The following MGMT variants were observed in gnomAD, a reference collection of about 807,000 sequenced individuals.
MGMT encodes methylated-DNA--protein-cysteine methyltransferase.
Under a neutral mutation model 15.9 loss-of-function variants are expected in MGMT, and 14 were observed. The observed-to-expected ratio is 0.88, with a 90% CI of 0.58 to 1.37. The LOEUF (loss-of-function observed/expected upper bound fraction) is 1.37, where lower values mean the gene tolerates loss of function less well. Among genes scored for constraint, MGMT ranks in the 40% most tolerant of loss-of-function variants. The pLI is 0.00. For synonymous variants in MGMT, 130 were observed against 118.2 expected (o/e 1.10, Z -0.65); for missense variants, 282 against 268.1 (o/e 1.05, Z -0.36).
chr10:129,594,315 T>A (rs765524988), intron 2 of MGMT, among the ~76,000 whole-genome samples: 10 of 152,208 alleles, frequency 6.6e-5, no homozygotes, highest in Non-Finnish European at 1.0e-4. Flanking sequence ...GAAACAGTCT[T>A]GATTCTGAAC....
At chr10:129,665,453 A>G (rs138507351) in intron 2 of MGMT, among the ~76,000 whole-genome samples, 33 of 152,060 alleles carry the variant, frequency 2.2e-4, no homozygotes, top group Non-Finnish European at 4.1e-4. Context: ...AGAAAGGAGC[A>G]GACAATTGAT....
chr10:129,738,162 A>G (rs370970794), intron 3 of MGMT, among the ~76,000 whole-genome samples: 64 of 152,268 alleles, frequency 4.2e-4, no homozygotes, highest in South Asian at 1.7e-3. Context: ...CCTCGCTGCC[A>G]CCTTGCAGTT....
chr10:129,511,854 C>G (rs538927755), intron 1 of MGMT, among the ~76,000 whole-genome samples: 1 of 152,216 alleles, frequency 6.6e-6, no homozygotes. Flanking sequence ...CCTGCTGTAT[C>G]GGAATCCGCA....
At chr10:129,736,304 A>T (rs1358997005) in intron 3 of MGMT, among the ~76,000 whole-genome samples, 1 of 151,478 alleles carries the variant, frequency 6.6e-6, no homozygotes, top group Non-Finnish European at 1.5e-5. Flanking sequence ...TGATCCCTTT[A>T]CCATTAAGTA....
intron 1 of MGMT, among the ~76,000 whole-genome samples, chr10:129,517,706 A>C (rs868643991): frequency 6.6e-6 from 1 of 152,152 alleles, no homozygotes; most frequent in African/African-American, 2.4e-5. Flanking sequence ...AGGAGGAAAA[A>C]GTCTGGGGCC....
At chr10:129,632,238 T>C (rs1265730523) in intron 2 of MGMT, among the ~76,000 whole-genome samples, 1 of 152,224 alleles carries the variant, frequency 6.6e-6, no homozygotes, top group African/African-American at 2.4e-5. Flanking sequence ...TGATTGGTTA[T>C]TTAGCTTACT....
At chr10:129,497,095 C>G (rs1387436069) in intron 1 of MGMT, among the ~76,000 whole-genome samples, 2 of 152,270 alleles carry the variant, frequency 1.3e-5, no homozygotes, top group African/African-American at 4.8e-5. Flanking sequence ...GCATCATTTC[C>G]TGATCTAATT....
chr10:129,507,749 G>A (rs752719113), intron 1 of MGMT, among the ~76,000 whole-genome samples: 14 of 152,274 alleles, frequency 9.2e-5, no homozygotes, highest in South Asian at 2.1e-4. Flanking sequence ...GTATTTCTTC[G>A]CGCACTGCTG....
chr10:129,593,038 G>T (rs1348087832), intron 2 of MGMT, among the ~76,000 whole-genome samples: 2 of 152,166 alleles, frequency 1.3e-5, no homozygotes, highest in East Asian at 3.9e-4. Context: ...CACCATGGTG[G>T]CCTCGGGGAT....
intron 2 of MGMT, among the ~76,000 whole-genome samples, chr10:129,615,561 C>T (rs935277469): frequency 1.3e-5 from 2 of 152,226 alleles, no homozygotes; most frequent in Admixed American, 6.5e-5. Context: ...ATATTCCTGC[C>T]TCATCCGGAA....
chr10:129,639,948 A>AG (rs1491405516), intron 2 of MGMT, among the ~76,000 whole-genome samples: 20 of 38,456 alleles, frequency 5.2e-4, no homozygotes, highest in Non-Finnish European at 2.7e-4. Context: ...TAGACTGACC[A>AG]AAAAAAAAAA....
intron 3 of MGMT, among the ~76,000 whole-genome samples, chr10:129,750,022 T>C (rs753609607): frequency 2.6e-5 from 4 of 152,166 alleles, no homozygotes; most frequent in Non-Finnish European, 4.4e-5. Context: ...TAGATGCAAG[T>C]CTTTTTTCAG....
At chr10:129,547,883 G>A (rs541699428) in intron 2 of MGMT, among the ~76,000 whole-genome samples, 4 of 152,324 alleles carry the variant, frequency 2.6e-5, no homozygotes, top group South Asian at 2.1e-4. Context: ...GAGAAGGACT[G>A]GGCTGAGAGC....
At chr10:129,595,154 A>G (rs1268724292) in intron 2 of MGMT, among the ~76,000 whole-genome samples, 1 of 152,154 alleles carries the variant, frequency 6.6e-6, no homozygotes, top group East Asian at 1.9e-4. Context: ...TTTGTAGGAA[A>G]ACTAAGGCAG....
chr10:129,536,101 G>T, intron 1 of MGMT, 140 bp from the exon 2 acceptor site: 1 of 928,868 alleles, frequency 1.1e-6, no homozygotes, highest in Non-Finnish European at 1.6e-6. Context: ...TTGTGAAAAT[G>T]ATGCATCGTA....
intron 3 of MGMT, among the ~76,000 whole-genome samples, chr10:129,745,311 T>G (rs1193834589): frequency 6.6e-6 from 1 of 152,186 alleles, no homozygotes; most frequent in Non-Finnish European, 1.5e-5. Flanking sequence ...TTAACGCGTG[T>G]GTGTGTTTCT....
At chr10:129,525,926 G>A (rs551504595) in intron 1 of MGMT, among the ~76,000 whole-genome samples, 35 of 152,326 alleles carry the variant, frequency 2.3e-4, no homozygotes, top group African/African-American at 7.7e-4. Flanking sequence ...GTTTGGGAAC[G>A]CCGTTTGGAT....
intron 2 of MGMT, among the ~76,000 whole-genome samples, chr10:129,576,037 T>A (rs1224483387): frequency 2.0e-5 from 3 of 152,216 alleles, no homozygotes; most frequent in Non-Finnish European, 4.4e-5. Flanking sequence ...ATTGAGGCAA[T>A]AATTAATAGC....
intron 2 of MGMT, among the ~76,000 whole-genome samples, chr10:129,563,157 C>T (rs537672612): frequency 2.8e-4 from 43 of 152,228 alleles, no homozygotes; most frequent in South Asian, 2.3e-3. Context: ...TTTTCAGGGT[C>T]GATGTTTTTA....
Sources: allele counts gnomAD v4.1 joint callset (sites outside exome capture counted in the v4.1 genomes callset), GRCh38; gene constraint gnomAD v4.1.1; transcripts MANE v1.5; gene names NCBI Gene and HGNC (gene_info 2026-07-23, HGNC 2026-07-21).